Variants in TBL1XR1 observed in about 807,000 individuals in gnomAD.
TBL1XR1 encodes TBL1X/Y related 1.
Under a neutral mutation model 66.9 loss-of-function variants are expected in TBL1XR1, and 5 were observed. The observed-to-expected ratio is 0.07, with a 90% CI of 0.04 to 0.16. TBL1XR1 has a LOEUF of 0.16. Ranked by LOEUF, TBL1XR1 falls within the 10% of genes least tolerant of loss-of-function variation. The pLI is 1.00. For synonymous variants in TBL1XR1, 210 were observed against 206.0 expected (o/e 1.02, Z -0.17); for missense variants, 238 against 623.2 (o/e 0.38, Z 6.58).
At chr3:177,084,447 A>G (rs1721876353) in intron 2 of TBL1XR1, among the ~76,000 whole-genome samples, 1 of 152,248 alleles carries the variant, frequency 6.6e-6, no homozygotes, top group Non-Finnish European at 1.5e-5. Flanking sequence ...AGTCAGCATA[A>G]TGTTTCAGAG....
intron 1 of TBL1XR1, among the ~76,000 whole-genome samples, chr3:177,125,350 G>T (rs866393572): frequency 1.3e-5 from 2 of 152,078 alleles, no homozygotes; most frequent in Admixed American, 1.3e-4. Flanking sequence ...ATCACAATGA[G>T]GTGCCATTAG....
chr3:177,051,293 G>T (rs984711221), intron 5 of TBL1XR1, among the ~76,000 whole-genome samples: 1 of 151,810 alleles, frequency 6.6e-6, no homozygotes, highest in African/African-American at 2.4e-5. Flanking sequence ...GGACCTTCCT[G>T]GGGGGTGGAG....
intron 12 of TBL1XR1, chr3:177,037,772 T>TCATCCAACCATC: frequency 5.5e-6 from 1 of 183,122 alleles, no homozygotes; most frequent in Non-Finnish European, 1.1e-5. Flanking sequence ...AGTAAATCTC[T>TCATCCAACCATC]CATCCATCCA....
intron 10 of TBL1XR1, among the ~76,000 whole-genome samples, chr3:177,044,194 C>T (rs1046414539): frequency 6.6e-6 from 1 of 152,152 alleles, no homozygotes; most frequent in Non-Finnish European, 1.5e-5. Context: ...AACATAACTT[C>T]ATCTCTAGAA....
At chr3:177,180,157 A>C (rs1214550618) in intron 1 of TBL1XR1, among the ~76,000 whole-genome samples, 1 of 150,124 alleles carries the variant, frequency 6.7e-6, no homozygotes, top group Non-Finnish European at 1.5e-5. Context: ...GAATTGCCTG[A>C]ATCCGGGAGG....
At chr3:177,042,517 G>A (rs773730476) in intron 10 of TBL1XR1, among the ~76,000 whole-genome samples, 1 of 152,162 alleles carries the variant, frequency 6.6e-6, no homozygotes, top group Non-Finnish European at 1.5e-5. Context: ...TGTGATTAAC[G>A]CTTTTGTGAT....
At chr3:177,198,173 G>A (rs1221641176), upstream of TBL1XR1, among the ~76,000 whole-genome samples, 2 of 152,190 alleles carry the variant, frequency 1.3e-5, no homozygotes, top group Admixed American at 6.5e-5. Flanking sequence ...TCTGTAATAA[G>A]CGACTTTCAA....
At chr3:177,091,275 ATAT>A (rs1296867317) in intron 2 of TBL1XR1, 3 of 152,104 alleles carry the variant, frequency 2.0e-5, no homozygotes, top group African/African-American at 7.2e-5. Flanking sequence ...GTATAATTTT[ATAT>A]TATGTTTATT....
intron 1 of TBL1XR1, among the ~76,000 whole-genome samples, chr3:177,175,147 A>G (rs1351097580): frequency 6.6e-6 from 1 of 152,188 alleles, no homozygotes; most frequent in Non-Finnish European, 1.5e-5. Context: ...CCTGAAACTT[A>G]TTTTAGTATT....
At chr3:177,084,147 C>CAT (rs1377135282) in intron 2 of TBL1XR1, among the ~76,000 whole-genome samples, 1 of 150,990 alleles carries the variant, frequency 6.6e-6, no homozygotes, top group African/African-American at 2.4e-5. Flanking sequence ...ATACAACGGA[C>CAT]ATATACTGGC....
At chr3:177,031,288 A>G (rs1713962338) in intron 14 of TBL1XR1, among the ~76,000 whole-genome samples, 1 of 152,082 alleles carries the variant, frequency 6.6e-6, no homozygotes, top group Admixed American at 6.6e-5. Flanking sequence ...ATGGGAGTAG[A>G]GGTAAGGAAG....
chr3:177,177,803 G>C (rs73041618), intron 1 of TBL1XR1, among the ~76,000 whole-genome samples: 1 of 152,204 alleles, frequency 6.6e-6, no homozygotes, highest in East Asian at 1.9e-4. Flanking sequence ...GTTCTAGGTA[G>C]CTGCAGACAG....
chr3:177,058,382 A>C (rs1261616476), intron 3 of TBL1XR1, among the ~76,000 whole-genome samples: 1 of 152,206 alleles, frequency 6.6e-6, no homozygotes, highest in Non-Finnish European at 1.5e-5. Flanking sequence ...TCTAGTACTG[A>C]TACACTAGCT....
At chr3:177,161,005 A>T (rs1732144310) in intron 1 of TBL1XR1, 1 of 152,150 alleles carries the variant, frequency 6.6e-6, no homozygotes, top group Non-Finnish European at 1.5e-5. Context: ...CAAAAAAAAA[A>T]AAAATAAAGA....
intron 2 of TBL1XR1, among the ~76,000 whole-genome samples, chr3:177,085,176 T>C (rs770297639): frequency 6.6e-6 from 1 of 152,122 alleles, no homozygotes; most frequent in African/African-American, 2.4e-5. Context: ...CCAACACAAG[T>C]TCCAAATTCA....
At chr3:177,031,212 T>C (rs1479678020) in intron 14 of TBL1XR1, among the ~76,000 whole-genome samples, 1 of 152,176 alleles carries the variant, frequency 6.6e-6, no homozygotes, top group Non-Finnish European at 1.5e-5. Flanking sequence ...AAAGAGTTTT[T>C]AAGGCATATA....
chr3:177,026,223 T>C (rs759036011), intron 15 of TBL1XR1, 150 bp downstream of exon 15: 5 of 637,396 alleles, frequency 7.8e-6, no homozygotes, highest in African/African-American at 5.9e-5. Flanking sequence ...CCAACGCACA[T>C]GAAAAGTTTA....
intron 1 of TBL1XR1, among the ~76,000 whole-genome samples, chr3:177,169,153 CG>C (rs1417115545): frequency 6.6e-6 from 1 of 152,052 alleles, no homozygotes; most frequent in Non-Finnish European, 1.5e-5. Context: ...TAATCAATAG[CG>C]ATAAAGTGGG....
chr3:177,040,839 A>G (rs1001572813), intron 10 of TBL1XR1, among the ~76,000 whole-genome samples: 2 of 152,212 alleles, frequency 1.3e-5, no homozygotes, highest in Non-Finnish European at 2.9e-5. Flanking sequence ...TCAGGACACC[A>G]CTTGGATAGA....
Sources: gnomAD v4.1 joint callset for allele counts (sites outside exome capture counted in the v4.1 genomes callset) on GRCh38, gnomAD v4.1.1 for gene constraint, MANE v1.5 for transcripts, NCBI Gene and HGNC (gene_info 2026-07-23, HGNC 2026-07-21) for gene names.